OCIAD1: variants seen among roughly 807,000 people sequenced by gnomAD.
The protein encoded by OCIAD1 is OCIA domain containing 1.
Under a neutral mutation model 38.9 loss-of-function variants are expected in OCIAD1, and 29 were observed. The ratio of observed to expected loss-of-function variants is 0.74; its 90% CI spans 0.55 to 1.02. The LOEUF (loss-of-function observed/expected upper bound fraction) is 1.02, where lower values mean the gene tolerates loss of function less well. OCIAD1 is among the 50% of genes least tolerant of loss of function. The probability of loss-of-function intolerance (pLI) is 0.00; values close to 1 mark genes in which losing one functional copy is unlikely to be tolerated. For missense variants in OCIAD1, 288 were observed against 289.6 expected, an observed-to-expected ratio of 0.99 and a Z score of 0.04; for synonymous variants, 110 against 92.0, an observed-to-expected ratio of 1.20 and a Z score of -1.12.
chr4:48,806,978 A>T (rs138902678), intron 1 of OCIAD1, among the ~76,000 whole-genome samples: 1 of 152,038 alleles, frequency 6.6e-6, no homozygotes, highest in African/African-American at 2.4e-5. Context: ...ATCACAGCTC[A>T]CCGCAGCCTC....
At chr4:48,846,752 A>G (rs933417882) in intron 4 of OCIAD1, among the ~76,000 whole-genome samples, 1 of 152,162 alleles carries the variant, frequency 6.6e-6, no homozygotes, top group African/African-American at 2.4e-5. Context: ...TCTCAAAAAA[A>G]AAAAAAAAAG....
chr4:48,850,826 T>G (rs1339518797), intron 6 of OCIAD1, among the ~76,000 whole-genome samples: 2 of 152,310 alleles, frequency 1.3e-5, no homozygotes, highest in Non-Finnish European at 2.9e-5. Flanking sequence ...CTGCCCCACT[T>G]GGCCTCCCAA....
intron 8 of OCIAD1, among the ~76,000 whole-genome samples, chr4:48,858,727 T>TTA (rs1780325579): frequency 6.6e-6 from 1 of 152,186 alleles, no homozygotes; most frequent in African/African-American, 2.4e-5. Flanking sequence ...AATGCTGGGA[T>TTA]TATAGGTGGG....
intron 3 of OCIAD1, among the ~76,000 whole-genome samples, chr4:48,835,673 G>T (rs548642341): frequency 2.6e-4 from 39 of 152,154 alleles, no homozygotes; most frequent in Non-Finnish European, 4.3e-4. Flanking sequence ...GAGTTCAAGC[G>T]ATCTGCCTGC....
upstream of OCIAD1, among the ~76,000 whole-genome samples, chr4:48,829,858 C>T (rs972765395): frequency 3.3e-5 from 5 of 152,128 alleles, no homozygotes; most frequent in Admixed American, 2.0e-4. Flanking sequence ...GTAACAGAGA[C>T]AGACGTAAGT....
intron 6 of OCIAD1, 23 bp from the exon 7 acceptor site, chr4:48,851,783 T>C (rs1560436466): frequency 7.2e-7 from 1 of 1,394,362 alleles, no homozygotes; most frequent in Non-Finnish European, 1.0e-6. Flanking sequence ...TATTTCTTAC[T>C]ACAATATGAT....
intron 7 of OCIAD1, among the ~76,000 whole-genome samples, chr4:48,853,029 G>A (rs1246526320): frequency 4.6e-5 from 7 of 151,566 alleles, no homozygotes; most frequent in African/African-American, 1.2e-4. Flanking sequence ...GCAGGTGCCC[G>A]CCACCACGCT....
intron 1 of OCIAD1, among the ~76,000 whole-genome samples, chr4:48,818,894 G>GA (rs948992505): frequency 6.6e-6 from 1 of 151,836 alleles, no homozygotes; most frequent in Non-Finnish European, 1.5e-5. Context: ...GAAAAGGAAT[G>GA]AAAAAAACCT....
At chr4:48,831,436 G>C in intron 1 of OCIAD1, 187 bp downstream of exon 1, 1 of 1,228,630 alleles carries the variant, frequency 8.1e-7, no homozygotes, top group South Asian at 1.3e-5. Flanking sequence ...CTGGGGGTGT[G>C]AGCTGGGGAA....
intron 4 of OCIAD1, among the ~76,000 whole-genome samples, chr4:48,846,068 C>T (rs571161226): frequency 2.6e-5 from 4 of 152,342 alleles, no homozygotes; most frequent in Admixed American, 6.5e-5. Flanking sequence ...AACTCTCTCT[C>T]TAGACTGTAA....
upstream of OCIAD1, chr4:48,830,956 A>G (rs2109504098): frequency 3.2e-5 from 5 of 156,704 alleles, 1 homozygote; most frequent in Admixed American, 3.0e-4. Context: ...TCGTGGCCGC[A>G]GCTGCCTGAA....
At chr4:48,848,046 G>C (rs529469882) in intron 4 of OCIAD1, among the ~76,000 whole-genome samples, 4 of 150,594 alleles carry the variant, frequency 2.7e-5, no homozygotes, top group Admixed American at 2.0e-4. Context: ...CCTGGGTTTT[G>C]AGCGTTTTTT....
At chr4:48,835,941 C>A (rs1346336660) in intron 3 of OCIAD1, among the ~76,000 whole-genome samples, 2 of 152,214 alleles carry the variant, frequency 1.3e-5, no homozygotes, top group Non-Finnish European at 2.9e-5. Flanking sequence ...GCAATAACTT[C>A]ATCTCTGCTG....
chr4:48,824,995 C>G (rs1350426942), intron 1 of OCIAD1, among the ~76,000 whole-genome samples: 1 of 152,152 alleles, frequency 6.6e-6, no homozygotes, highest in African/African-American at 2.4e-5. Flanking sequence ...CTTGGCATCC[C>G]AAAGTACTGG....
intron 5 of OCIAD1, chr4:48,848,670 T>A (rs1779169021): frequency 3.1e-6 from 1 of 318,566 alleles, no homozygotes; most frequent in Non-Finnish European, 5.6e-6. Flanking sequence ...TATAATGTAA[T>A]AGAACAATTA....
chr4:48,848,643 G>A (rs1779167246), intron 5 of OCIAD1, 197 bp downstream of exon 5: 1 of 378,958 alleles, frequency 2.6e-6, no homozygotes, highest in African/African-American at 2.1e-5. Context: ...GTTGAAATAG[G>A]CATTTTTTTG....
chr4:48,852,134 A>G (rs1483410352), intron 7 of OCIAD1, 159 bp downstream of exon 7: 5 of 561,358 alleles, frequency 8.9e-6, no homozygotes, highest in South Asian at 5.5e-5. Flanking sequence ...CATTCATTCA[A>G]CTTTTCTTGA....
At position 48,857,212 on chromosome 4, in the gene OCIAD1, G is replaced by T; in HGVS notation, c.548-1G>T. ...CATTTATTAACTGTTTGTTGTTTTAGGACCTGATCCCAACCTTGAAGAAAG... is the reference window on the plus strand; with the variant it reads ...CATTTATTAACTGTTTGTTGTTTTATGACCTGATCCCAACCTTGAAGAAAG... On this transcript the variant is annotated splice_acceptor_variant, in intron 7 of 8. Coordinates refer to ENST00000264312, the MANE Select transcript of OCIAD1 (RefSeq NM_017830.4). LOFTEE classifies it high-confidence loss of function. The T allele has an allele frequency of 6.6e-7, 1 of 1,521,628 alleles. No homozygotes were observed. The highest frequency in any genetic ancestry group is 8.8e-7 in the Non-Finnish European group (1 of 1,136,214). 94.3% of individuals were successfully genotyped at this position (1,521,628 alleles called of 1,614,324 possible).
chr4:48,847,306 A>G (rs568654451), intron 4 of OCIAD1, among the ~76,000 whole-genome samples: 10 of 151,440 alleles, frequency 6.6e-5, no homozygotes, highest in South Asian at 6.2e-4. Flanking sequence ...CTTTTTTCCT[A>G]TTGGTTTTGT....
Sources: gnomAD v4.1 joint callset for allele counts (sites outside exome capture counted in the v4.1 genomes callset) on GRCh38, gnomAD v4.1.1 for gene constraint, MANE v1.5 for transcripts, NCBI Gene and HGNC (gene_info 2026-07-23, HGNC 2026-07-21) for gene names.